Variants in ELFN2 observed in about 807,000 individuals in gnomAD.
ELFN2 encodes protein phosphatase 1 regulatory subunit 29.
Under a neutral mutation model 45.5 loss-of-function variants are expected in ELFN2, and 17 were observed. That is an observed-to-expected ratio of 0.37 (90% CI 0.26 to 0.56). ELFN2 has a LOEUF of 0.56. Ranked by LOEUF, ELFN2 falls within the 20% of genes least tolerant of loss-of-function variation. The probability of loss-of-function intolerance (pLI) is 0.77; values close to 1 mark genes in which losing one functional copy is unlikely to be tolerated. For missense variants in ELFN2, 922 were observed against 1,183.2 expected (o/e 0.78, Z 3.24); for synonymous variants, 550 against 551.5 (o/e 1.00, Z 0.04).
Position 37,375,834 on chromosome 22 carries a change from C to CT in ELFN2, c.-301dup. The CT allele has an allele frequency of 6.7e-6, 3 of 451,062 alleles. No homozygotes were observed. The highest frequency in any genetic ancestry group is 8.3e-5 in the South Asian group (2 of 24,060). 27.9% of individuals were successfully genotyped at this position (451,062 alleles called of 1,614,324 possible). On this transcript the variant is annotated 5_prime_UTR_variant, in exon 3 of 3. Transcript: ENST00000402918. ...AAGGGTTCTCAGGGCTTGACTTCCT[C>CT]TCCCTCCTCCTCCTCCTCCTCCTCC...
At chr22:37,365,595 G>A, downstream of ELFN2, among the ~76,000 whole-genome samples, 1 of 152,232 alleles carries the variant, frequency 6.6e-6, no homozygotes, top group East Asian at 1.9e-4. Flanking sequence ...TATACCAGCA[G>A]TTTAGCCCTT....
chr22:37,394,365 G>T (rs146996161), intron 2 of ELFN2, among the ~76,000 whole-genome samples: 49 of 152,266 alleles, frequency 3.2e-4, no homozygotes, highest in Admixed American at 1.2e-3. Flanking sequence ...ACTCACCGAG[G>T]CCTCTTTCTT....
At position 37,426,482 on chromosome 22, in the gene ELFN2, CCACA is replaced by C. The variant is rs930209074; in HGVS notation, c.-614+812_-614+815del. Among the ~76,000 whole-genome samples, 3 of 151,774 alleles carry C rather than the reference CCACA, an allele frequency of 2.0e-5. No individual in the cohort carries two copies. In the East Asian group the frequency reaches 5.8e-4, roughly 30 times the overall value. On this transcript the variant is annotated intron_variant, in intron 1 of 2. Coordinates refer to ENST00000402918, the MANE Select transcript of ELFN2 (RefSeq NM_052906.5). ...ACAGAGAGCAGGGTCCACCCCATGT[CCACA>C]CACACACGCACACACCACACACACA...
At chr22:37,364,092 G>A (rs1016077051), downstream of ELFN2, among the ~76,000 whole-genome samples, 1 of 152,184 alleles carries the variant, frequency 6.6e-6, no homozygotes, top group Non-Finnish European at 1.5e-5. Flanking sequence ...CTCAGAATTG[G>A]ATTCCCCAGC....
At chr22:37,383,211 C>T (rs532952704) in intron 2 of ELFN2, among the ~76,000 whole-genome samples, 1 of 152,184 alleles carries the variant, frequency 6.6e-6, no homozygotes, top group Admixed American at 6.5e-5. Context: ...GAAGCCTCCA[C>T]CTCCCTCGGC....
At chr22:37,412,655 C>G (rs1333703998) in intron 2 of ELFN2, among the ~76,000 whole-genome samples, 1 of 152,248 alleles carries the variant, frequency 6.6e-6, no homozygotes, top group East Asian at 1.9e-4. Context: ...ACCACAGACC[C>G]CCCTTTCTCC....
At chr22:37,366,138 T>C (rs961411242), downstream of ELFN2, among the ~76,000 whole-genome samples, 1 of 151,544 alleles carries the variant, frequency 6.6e-6, no homozygotes, top group African/African-American at 2.4e-5. Context: ...AAGCGGGGAG[T>C]AGCTAAGGAC....
rs780894270 is a variant in ELFN2, at chr22:37,374,961, C to T, written c.574G>A (p.Asp192Asn). The change falls in exon 3 of 3, where the codon GAC (aspartate) becomes AAC (asparagine). Residue 192 changes from aspartate (D) to asparagine (N), a missense_variant. Around this residue, in one of 2 missense-constraint regions of ELFN2, gnomAD observed 358 missense variants for 540.4 expected, o/e 0.66. Coordinates refer to ENST00000402918, the MANE Select transcript of ELFN2 (RefSeq NM_052906.5). ...LAGNPFNCEC[D>N]LFGFLAWLVV... ...AGCCAGGCCAGGAAGCCGAAGAGGT[C>T]GCACTCACAGTTGAAGGGGTTGCCG... is the stretch of plus-strand genomic sequence containing the variant. 2 of 1,613,132 alleles carry T rather than the reference C, an allele frequency of 1.2e-6. No homozygotes were observed. Among genetic ancestry groups the T allele is most frequent in the Non-Finnish European group, 1.7e-6 (2 of 1,179,970 alleles).
At position 37,349,824 on chromosome 22, in the gene ELFN2, T is replaced by G. The variant is rs138537822; in HGVS notation, n.149-7121A>C. Among the ~76,000 whole-genome samples, 30 of 151,238 alleles carry G rather than the reference T, an allele frequency of 2.0e-4. No individual in the cohort carries two copies. The East Asian group carries it at 4.0e-3, about 20-fold the overall frequency. Reference sequence around the variant, plus strand: ...AGCTTTTGAATTTTGAAATAAAAATTTGAAACTTGTGTCAGAGAGAGCAAC... The same window carrying G: ...AGCTTTTGAATTTTGAAATAAAAATGTGAAACTTGTGTCAGAGAGAGCAAC... On this transcript the variant is annotated intron_variant and non_coding_transcript_variant, in intron 1 of 2. Coordinates refer to ENST00000452946, the Ensembl canonical transcript of ELFN2.
chr22:37,393,766 G>A (rs539206029), intron 2 of ELFN2, among the ~76,000 whole-genome samples: 2 of 152,262 alleles, frequency 1.3e-5, no homozygotes, highest in East Asian at 3.9e-4. Context: ...CCAACAGGAG[G>A]CCCCAGCACT....
chr22:37,415,527 C>T (rs913856164), intron 2 of ELFN2, among the ~76,000 whole-genome samples: 7 of 152,226 alleles, frequency 4.6e-5, no homozygotes, highest in Non-Finnish European at 7.3e-5. Flanking sequence ...CTCTGCCTCT[C>T]CGGCCCCGTT....
chr22:37,368,994 C>T lies in ELFN2; in HGVS notation c.*4078G>A, dbSNP rs1483724663. The T allele has an allele frequency of 6.6e-6, 1 of 151,906 alleles. No homozygotes were observed. The highest frequency in any genetic ancestry group is 1.5e-5 in the Non-Finnish European group (1 of 67,996). The allele number at this position is 151,906 out of a possible 1,614,324, so 9.4% of individuals were successfully genotyped here. ...GACCAGCCTTGCCCCTCCCCCATCA[C>T]CCTATTTTAATTTTCTGCAAGGCGC... On this transcript the variant is annotated 3_prime_UTR_variant, in exon 3 of 3. Transcript: ENST00000402918.
intron 2 of ELFN2, among the ~76,000 whole-genome samples, chr22:37,396,747 G>T (rs993724564): frequency 1.1e-4 from 17 of 152,050 alleles, no homozygotes; most frequent in African/African-American, 3.4e-4. Context: ...CTCCAGGGTG[G>T]CTTCATGCAT....
intron 1 of ELFN2, among the ~76,000 whole-genome samples, chr22:37,425,864 T>TACACACAC (rs1414202705): frequency 3.5e-5 from 3 of 85,354 alleles, no homozygotes; most frequent in Admixed American, 1.1e-4. Flanking sequence ...GCCATGCACA[T>TACACACAC]ACACATACAC....
chr22:37,426,036 G>A (rs931652279), intron 1 of ELFN2, among the ~76,000 whole-genome samples: 2 of 151,826 alleles, frequency 1.3e-5, no homozygotes, highest in African/African-American at 4.8e-5. Context: ...TTCTGACTCC[G>A]ACAGCCTGGC....
chr22:37,410,153 G>A (rs866677551), intron 2 of ELFN2, among the ~76,000 whole-genome samples: 29 of 152,182 alleles, frequency 1.9e-4, no homozygotes, highest in Admixed American at 4.6e-4. Context: ...AGAGACAGGC[G>A]GTTGCGGCAA....
At chr22:37,396,037 C>T (rs1932206304) in intron 2 of ELFN2, among the ~76,000 whole-genome samples, 2 of 152,176 alleles carry the variant, frequency 1.3e-5, no homozygotes, top group South Asian at 2.1e-4. Flanking sequence ...TGGAGACCCC[C>T]GGAAGGGGCT....
At chr22:37,357,235 C>T (rs992388008) in intron 1 of ELFN2, among the ~76,000 whole-genome samples, 2 of 152,166 alleles carry the variant, frequency 1.3e-5, no homozygotes, top group African/African-American at 4.8e-5. Flanking sequence ...AGGACGGTTC[C>T]TGGAATCTGC....
intron 2 of ELFN2, among the ~76,000 whole-genome samples, chr22:37,386,835 G>C (rs1475423187): frequency 6.6e-6 from 1 of 152,154 alleles, no homozygotes; most frequent in African/African-American, 2.4e-5. Flanking sequence ...CAAAGCGCAG[G>C]GTCCACATTC....
Sources: gnomAD v4.1 joint callset for allele counts (sites outside exome capture counted in the v4.1 genomes callset) on GRCh38, gnomAD v4.1.1 for gene constraint, gnomAD v4.1.1 regional missense constraint, MANE v1.5 for transcripts, NCBI Gene and HGNC (gene_info 2026-07-23, HGNC 2026-07-21) for gene names.